PCNT: variants seen among roughly 807,000 people sequenced by gnomAD.
PCNT encodes the protein kendrin.
A neutral mutation model predicts 380.4 loss-of-function variants in PCNT; 319 were observed. The ratio of observed to expected loss-of-function variants is 0.84; its 90% CI spans 0.77 to 0.92. The LOEUF (loss-of-function observed/expected upper bound fraction) is 0.92, where lower values mean the gene tolerates loss of function less well. Among genes scored for constraint, PCNT ranks in the 40% least tolerant of loss-of-function variants. The pLI is 0.00. For missense variants in PCNT, 4,400 were observed against 4,255.3 expected (o/e 1.03, Z -0.95); for synonymous variants, 1,845 against 1,735.2 (o/e 1.06, Z -1.57).
intron 11 of PCNT, among the ~76,000 whole-genome samples, chr21:46,355,021 G>A (rs1442799385): frequency 2.6e-5 from 4 of 152,212 alleles, no homozygotes; most frequent in African/African-American, 7.2e-5. Flanking sequence ...GCCTCTGCGC[G>A]TGGGTGTGAC....
Position 46,401,677 on chromosome 21 carries a change from C to G in PCNT, c.4918C>G (p.Gln1640Glu). Residue 1640 changes from glutamine to glutamate, a missense_variant, in exon 26 of 47, where the codon CAG becomes GAG. Coordinates refer to ENST00000359568, the MANE Select transcript of PCNT (RefSeq NM_006031.6). ...CAGCCCTCCTGAGGGTCCAGAAATACAGTTAGAGGTGACACAGAGAGCACT... is the reference window on the plus strand; with the variant it reads ...CAGCCCTCCTGAGGGTCCAGAAATAGAGTTAGAGGTGACACAGAGAGCACT... ...SGSPPEGPEI[Q>E]LEVTQRALLR... 1 of 1,613,992 alleles carries G rather than the reference C, an allele frequency of 6.2e-7. No homozygotes were observed. Among genetic ancestry groups the G allele is most frequent in the Non-Finnish European group, 8.5e-7 (1 of 1,180,018 alleles).
intron 16 of PCNT, among the ~76,000 whole-genome samples, chr21:46,383,540 C>T (rs2085677759): frequency 7.0e-6 from 1 of 143,398 alleles, no homozygotes; most frequent in African/African-American, 2.6e-5. Flanking sequence ...GAAGCGCATT[C>T]ACAGTGTTGT....
chr21:46,412,335 A>C (rs2086816728), intron 28 of PCNT, among the ~76,000 whole-genome samples: 1 of 152,176 alleles, frequency 6.6e-6, no homozygotes, highest in Admixed American at 6.5e-5. Context: ...TCTTTCACAT[A>C]ATAGGGACTG....
At chr21:46,378,349 A>G (rs543515943) in intron 15 of PCNT, among the ~76,000 whole-genome samples, 31 of 152,048 alleles carry the variant, frequency 2.0e-4, no homozygotes, top group African/African-American at 5.8e-4. Flanking sequence ...GCATCACTCT[A>G]TGGTGTCTCT....
intron 3 of PCNT, among the ~76,000 whole-genome samples, chr21:46,338,731 G>A (rs574068687): frequency 3.3e-5 from 5 of 151,136 alleles, no homozygotes; most frequent in East Asian, 2.0e-4. Context: ...TCAGCCTCCC[G>A]AGTAGCTGGG....
intron 14 of PCNT, 113 bp downstream of exon 14, chr21:46,364,047 C>T: frequency 1.1e-6 from 1 of 896,032 alleles, no homozygotes; most frequent in South Asian, 1.4e-5. Context: ...GCGAAAAGGT[C>T]TGGAGGGAGC....
Position 46,425,887 on chromosome 21 carries a change from C to T in PCNT, c.7236C>T (p.Gly2412=), listed in dbSNP as rs773500833. 2.5e-6 allele frequency: 4 copies of T among 1,613,712 alleles called. No homozygotes were observed. In the African/African-American group the frequency reaches 5.3e-5, roughly 22 times the overall value. ...ESHQILALSE[G]LAPPSGEPHP... is the part of the protein sequence containing the mutation. ...ACCAGATCCTGGCGCTGTCAGAAGG[C>T]CTTGCACCCCCAAGCGGCGAGCCAC... The change falls in exon 33 of 47, where the codon GGC becomes GGT. Residue 2412 remains glycine (G), a synonymous_variant. Coordinates refer to ENST00000359568, the MANE Select transcript of PCNT (RefSeq NM_006031.6). The surrounding 1 kb of genome is among the most constrained non-coding windows in gnomAD (Gnocchi z 4.2).
At chr21:46,391,090 C>T (rs1021907888) in intron 20 of PCNT, 74 bp from the exon 21 acceptor site, 2 of 1,406,138 alleles carry the variant, frequency 1.4e-6, no homozygotes, top group African/African-American at 2.9e-5. Context: ...GTGGCCCCGT[C>T]CCTTCCTCCA....
In PCNT at chr21:46,363,572, A is replaced by C. The variant is rs202246527; in HGVS notation, c.2247A>C (p.Glu749Asp). The change falls in exon 14 of 47, where the codon GAA (glutamate) becomes GAC (aspartate). Residue 749 changes from glutamate (E) to aspartate (D), a missense_variant. Glu to Asp is a conservative substitution (Grantham distance 45). Transcript: ENST00000359568. ...ELMKQEFQRK[E>D]TDWKVMKEEL... ...TGAAACAGGAATTCCAAAGAAAAGA[A>C]ACGGACTGGAAAGTTATGAAGGAGG... 220 of 1,614,056 alleles carry C rather than the reference A, an allele frequency of 1.4e-4. 1 individual carries two copies. Among genetic ancestry groups the C allele is most frequent in the Admixed American group, 8.5e-4 (51 of 59,996 alleles).
intron 8 of PCNT, among the ~76,000 whole-genome samples, chr21:46,350,382 G>A (rs1034829357): frequency 1.3e-5 from 2 of 152,016 alleles, no homozygotes; most frequent in South Asian, 2.1e-4. Flanking sequence ...TCCTCTAACC[G>A]TGATCCAGTA....
chr21:46,416,856 C>T lies in PCNT; in HGVS notation c.6921+17C>T, dbSNP rs752680894. 3 of 1,596,536 alleles carry T rather than the reference C, an allele frequency of 1.9e-6. No homozygotes were observed. Among genetic ancestry groups the T allele is most frequent in the Non-Finnish European group, 2.5e-6 (3 of 1,179,412 alleles). On this transcript the variant is annotated intron_variant, in intron 30 of 46. Coordinates refer to ENST00000359568, the MANE Select transcript of PCNT (RefSeq NM_006031.6). ...ACGGCTGTGGTAGGTGCCTGCTCTG[C>T]TCCCAGGCCTGCTGTTCCCGTGGGA...
chr21:46,390,586 G>T, intron 19 of PCNT, 84 bp from the exon 20 acceptor site: 2 of 1,455,644 alleles, frequency 1.4e-6, no homozygotes, highest in South Asian at 1.1e-5. Flanking sequence ...AGGGTCTGGG[G>T]GTAGAAGTGG....
chr21:46,354,398 T>G (rs1373318588), intron 11 of PCNT, among the ~76,000 whole-genome samples: 1 of 152,268 alleles, frequency 6.6e-6, no homozygotes, highest in African/African-American at 2.4e-5. Context: ...TGTCTTTGCT[T>G]TGAGTCCACA....
At position 46,367,077 on chromosome 21, in the gene PCNT, C is replaced by T. The variant is rs752921554; in HGVS notation, c.3103C>T (p.Arg1035Ter). The T allele has an allele frequency of 4.3e-6, 7 of 1,613,736 alleles. No individual in the cohort carries two copies. Among genetic ancestry groups the T allele is most frequent in the Admixed American group, 1.7e-5 (1 of 60,002 alleles). Residue 1035 changes from arginine (R) to a stop codon, truncating the protein, a stop_gained, in exon 15 of 47, where the codon CGA becomes TGA. Coordinates refer to ENST00000359568, the MANE Select transcript of PCNT (RefSeq NM_006031.6). LOFTEE classifies it high-confidence loss of function. The part of the protein sequence containing the change: ...GELQSVRDHL[R>*]TEVSTELAGT... ...GCTACAGTCTGTGCGGGACCACCTGCGAACCGAAGTGAGCACAGAGCTCGC... is the reference window on the plus strand; with the variant it reads ...GCTACAGTCTGTGCGGGACCACCTGTGAACCGAAGTGAGCACAGAGCTCGC...
chr21:46,398,352 T>C (rs2086279076), intron 24 of PCNT, 97 bp downstream of exon 24: 2 of 1,303,384 alleles, frequency 1.5e-6, no homozygotes, highest in Non-Finnish European at 2.2e-6. Flanking sequence ...CTTTTCTTGC[T>C]CTTGTTTGGG....
At chr21:46,364,026 G>A (rs1283899974) in intron 14 of PCNT, 92 bp downstream of exon 14, 1 of 1,146,754 alleles carries the variant, frequency 8.7e-7, no homozygotes, top group Non-Finnish European at 1.3e-6. Flanking sequence ...AGGCGCTGTG[G>A]GCTCCACTGG....
chr21:46,345,112 A>G (rs1984562993), intron 3 of PCNT, among the ~76,000 whole-genome samples: 1 of 152,202 alleles, frequency 6.6e-6, no homozygotes, highest in African/African-American at 2.4e-5. Flanking sequence ...TTCTCTCTGT[A>G]GGCGTCATTT....
At chr21:46,428,356 T>G (rs765764286) in intron 34 of PCNT, 39 bp from the exon 35 acceptor site, 1 of 1,579,298 alleles carries the variant, frequency 6.3e-7, no homozygotes. Context: ...ATGGGGTGGC[T>G]GCCCAATGCT....
At chr21:46,408,719 G>GTTTTTT (rs34814770) in intron 27 of PCNT, among the ~76,000 whole-genome samples, 1 of 110,588 alleles carries the variant, frequency 9.0e-6, no homozygotes, top group Non-Finnish European at 1.8e-5. Flanking sequence ...CTTTCAGAAA[G>GTTTTTT]TTTTTTTTTT....
Sources: allele counts gnomAD v4.1 joint callset (sites outside exome capture counted in the v4.1 genomes callset), GRCh38; gene constraint gnomAD v4.1.1; non-coding constraint Gnocchi (gnomAD v3.1); transcripts MANE v1.5; gene names NCBI Gene and HGNC (gene_info 2026-07-23, HGNC 2026-07-21).